Variants in EIF2AK2 observed in about 807,000 individuals in gnomAD.
The protein encoded by EIF2AK2 is eukaryotic translation initiation factor 2 alpha kinase 2, also known as interferon-induced, double-stranded RNA-activated protein kinase.
EIF2AK2 carries 40 observed loss-of-function variants against 70.5 expected under a neutral mutation model. The ratio of observed to expected loss-of-function variants is 0.57; its 90% CI spans 0.44 to 0.74. The LOEUF (loss-of-function observed/expected upper bound fraction) is 0.74. EIF2AK2 is among the 30% of genes least tolerant of loss of function. EIF2AK2 has a pLI of 0.00. For synonymous variants in EIF2AK2, 198 were observed against 220.9 expected (o/e 0.90, Z 0.92); for missense variants, 555 against 644.3 (o/e 0.86, Z 1.50).
intron 4 of EIF2AK2, among the ~76,000 whole-genome samples, chr2:37,146,175 G>A: frequency 6.6e-6 from 1 of 152,128 alleles, no homozygotes; most frequent in Middle Eastern, 3.2e-3. Context: ...ATGCTGTATA[G>A]GTTCGTAGTC....
intron 14 of EIF2AK2, among the ~76,000 whole-genome samples, chr2:37,113,498 CAA>C (rs61174879): frequency 6.7e-3 from 221 of 33,006 alleles, no homozygotes; most frequent in Non-Finnish European, 0.01. Flanking sequence ...AACTCCATCT[CAA>C]AAAAAAAAAA....
chr2:37,122,660 C>T lies in EIF2AK2; in HGVS notation c.913G>A (p.Ala305Thr), dbSNP rs2148679583. Residue 305 changes from alanine to threonine, a missense_variant, in exon 12 of 17, where the codon GCG becomes ACG. Ala to Thr is a moderately conservative substitution (Grantham distance 58). Transcript: ENST00000233057. ...GCCAATGCTTTTACTTCACGCTCCGCCTTCCTAGTTAAAAGGAACAGGGAA... is the reference window on the plus strand; with the variant it reads ...GCCAATGCTTTTACTTCACGCTCCGTCTTCCTAGTTAAAAGGAACAGGGAA... Reference protein sequence around the residue: ...IKRVKYNNEKAEREVKALAKL... With the variant: ...IKRVKYNNEKTEREVKALAKL... The T allele has an allele frequency of 6.2e-7, 1 of 1,614,154 alleles. No individual in the cohort carries two copies.
chr2:37,138,122 A>C, intron 8 of EIF2AK2, 148 bp downstream of exon 8: 1 of 563,162 alleles, frequency 1.8e-6, no homozygotes, highest in East Asian at 3.2e-5. Context: ...AAAAAAAAAA[A>C]AAAAAGTCTA....
chr2:37,110,227 C>A (rs962275805), intron 14 of EIF2AK2, among the ~76,000 whole-genome samples: 4 of 151,506 alleles, frequency 2.6e-5, no homozygotes, highest in Non-Finnish European at 5.9e-5. Flanking sequence ...CGTGCCACCA[C>A]GCCTGGCTCA....
At position 37,141,595 on chromosome 2, in the gene EIF2AK2, A is replaced by G; in HGVS notation, c.347T>C (p.Val116Ala). 6.2e-7 allele frequency: 1 copy of G among 1,614,134 alleles called. No individual in the cohort carries two copies. Among genetic ancestry groups the G allele is most frequent in the Non-Finnish European group, 8.5e-7 (1 of 1,179,994 alleles). Residue 116 changes from valine to alanine, a missense_variant, in exon 5 of 17, where the codon GTA becomes GCA. Around this residue, in one of 3 missense-constraint regions of EIF2AK2, gnomAD observed 208 missense variants for 191.8 expected, o/e 1.08. Coordinates refer to ENST00000233057, the MANE Select transcript of EIF2AK2 (RefSeq NM_001135651.3). ...CCCCGATGCACACTGTTCATAATTT[A>G]CAGTTAGTCTTTTCTTCTGGGCAAT... ...NRIAQKKRLT[V>A]NYEQCASGVH... is the part of the protein sequence containing the mutation.
At chr2:37,152,573 G>A (rs1034894152) in intron 1 of EIF2AK2, among the ~76,000 whole-genome samples, 5 of 152,114 alleles carry the variant, frequency 3.3e-5, no homozygotes, top group South Asian at 2.1e-4. Context: ...GGGCCACCAC[G>A]CCTGGCCGGG....
At chr2:37,135,284 G>A (rs978957014) in intron 10 of EIF2AK2, among the ~76,000 whole-genome samples, 200 bp downstream of exon 10, 2 of 152,128 alleles carry the variant, frequency 1.3e-5, no homozygotes, top group Non-Finnish European at 2.9e-5. Context: ...TCTTGGTTTG[G>A]GAACAAAATC....
At chr2:37,149,126 G>C (rs1268052149) in intron 1 of EIF2AK2, 103 bp from the exon 2 acceptor site, 7 of 915,648 alleles carry the variant, frequency 7.6e-6, no homozygotes, top group Admixed American at 3.4e-5. Context: ...AGGGTCTCCT[G>C]ATTTTTATTG....
rs1429623003 is a variant in EIF2AK2 at position 37,144,356 on chromosome 2, C to T, written c.240+2497G>A. Among the ~76,000 whole-genome samples, 3 of 79,050 alleles carry T rather than the reference C, an allele frequency of 3.8e-5. No individual in the cohort carries two copies. The Admixed American group carries it at 5.5e-4, about 15-fold the overall frequency. 51.9% of individuals were successfully genotyped at this position (79,050 alleles called of 152,430 possible). On this transcript the variant is annotated intron_variant, in intron 4 of 16. Coordinates refer to ENST00000233057, the MANE Select transcript of EIF2AK2 (RefSeq NM_001135651.3). ...TTTATCATTATTTTAGAAGTTACTC[C>T]TTCTACTTAAAAAAAAAAAAGTAAA...
At chr2:37,152,132 T>C (rs1446010038) in intron 1 of EIF2AK2, among the ~76,000 whole-genome samples, 2 of 152,068 alleles carry the variant, frequency 1.3e-5, no homozygotes, top group Admixed American at 6.6e-5. Flanking sequence ...AAATGAAAAA[T>C]CCAGACATAA....
chr2:37,154,060 CTCACACCTGTAA>C (rs1215296795), intron 1 of EIF2AK2, among the ~76,000 whole-genome samples: 18 of 152,190 alleles, frequency 1.2e-4, no homozygotes, highest in African/African-American at 4.3e-4. Flanking sequence ...GGCGCGGTGG[CTCACACCTGTAA>C]TCCCAGCACT....
intron 4 of EIF2AK2, among the ~76,000 whole-genome samples, chr2:37,142,694 A>C (rs1012635613): frequency 1.3e-5 from 2 of 152,250 alleles, no homozygotes; most frequent in Admixed American, 6.5e-5. Context: ...TTTTTCAAGA[A>C]AGAACCTTGA....
At chr2:37,152,530 C>G (rs369786703) in intron 1 of EIF2AK2, among the ~76,000 whole-genome samples, 2 of 152,174 alleles carry the variant, frequency 1.3e-5, no homozygotes, top group African/African-American at 4.8e-5. Flanking sequence ...ATCCACCAGC[C>G]TCAGCCTCCC....
At chr2:37,134,778 C>G (rs1418491640) in intron 10 of EIF2AK2, among the ~76,000 whole-genome samples, 1 of 150,946 alleles carries the variant, frequency 6.6e-6, no homozygotes, top group Admixed American at 6.6e-5. Context: ...TGAGTGGCAC[C>G]AACACATATC....
chr2:37,125,293 G>C (rs1004207156), intron 11 of EIF2AK2, among the ~76,000 whole-genome samples: 1 of 152,200 alleles, frequency 6.6e-6, no homozygotes, highest in South Asian at 2.1e-4. Context: ...TTACAGGCGT[G>C]AGCCACCACA....
At chr2:37,112,677 G>A (rs1674200456) in intron 14 of EIF2AK2, among the ~76,000 whole-genome samples, 1 of 152,022 alleles carries the variant, frequency 6.6e-6, no homozygotes, top group South Asian at 2.1e-4. Context: ...ATAAATTAAG[G>A]AAACAGAACA....
rs139703307 is a variant in EIF2AK2 at position 37,109,206 on chromosome 2, A to T, written c.1467T>A (p.Phe489Leu). The T allele has an allele frequency of 6.2e-6, 10 of 1,613,990 alleles. No individual in the cohort carries two copies. In the South Asian group the frequency reaches 9.9e-5, roughly 16 times the overall value. ...AELLHVCDTA[F>L]ETSKFFTDLR... ...GAGATAATTTTACCTTTGATGTTTC[A>T]AAAGCAGTGTCACATACATGAAGAA... The change falls in exon 15 of 17, where the codon TTT (phenylalanine) becomes TTA (leucine). Residue 489 changes from phenylalanine to leucine, a missense_variant. Coordinates refer to ENST00000233057, the MANE Select transcript of EIF2AK2 (RefSeq NM_001135651.3).
chr2:37,117,327 C>T (rs1272633732), intron 13 of EIF2AK2, among the ~76,000 whole-genome samples: 1 of 151,774 alleles, frequency 6.6e-6, no homozygotes, highest in Non-Finnish European at 1.5e-5. Context: ...CACTTGAGCT[C>T]AGGAGTTCGA....
At chr2:37,139,779 A>G in intron 5 of EIF2AK2, 22 bp from the exon 6 acceptor site, 1 of 1,591,930 alleles carries the variant, frequency 6.3e-7, no homozygotes. Context: ...CATAGAAGGT[A>G]CTTATCCAAA....
Sources: allele counts gnomAD v4.1 joint callset (sites outside exome capture counted in the v4.1 genomes callset), GRCh38; gene constraint gnomAD v4.1.1; regional missense constraint gnomAD v4.1.1; transcripts MANE v1.5; gene names NCBI Gene and HGNC (gene_info 2026-07-23, HGNC 2026-07-21).